AGAP1: variants seen among roughly 807,000 people sequenced by gnomAD.
The protein encoded by AGAP1 is arf-GAP with GTPase, ANK repeat and PH domain-containing protein 1.
In AGAP1, 29 loss-of-function variants were observed where a neutral mutation model predicts 105.3. The ratio of observed to expected loss-of-function variants is 0.28; its 90% CI spans 0.21 to 0.38. The LOEUF is 0.38. Among genes scored for constraint, AGAP1 ranks in the 10% least tolerant of loss-of-function variants. The pLI is 1.00. For missense variants in AGAP1, 998 were observed against 1,165.1 expected (o/e 0.86, Z 2.09); for synonymous variants, 509 against 485.9 (o/e 1.05, Z -0.63).
chr2:235,781,146 C>G (rs1956237708), intron 6 of AGAP1, among the ~76,000 whole-genome samples: 1 of 152,180 alleles, frequency 6.6e-6, no homozygotes, highest in South Asian at 2.1e-4. Flanking sequence ...CTTTCCCTAC[C>G]TGTCATTTTT....
Position 235,574,624 on chromosome 2 carries a change from T to G in AGAP1, c.163+79775T>G. On this transcript the variant is annotated intron_variant, in intron 1 of 17. Transcript: ENST00000304032. This position sits in a 1 kb window ranked among gnomAD's most constrained non-coding sequence, Gnocchi z 5.0. The stretch of plus-strand genomic sequence containing the variant: ...TCAAGCAGTGTTCTTTTAGGTCCTT[T>G]TTGGTTCTGTGCGACAGTTAATGAA... 6.6e-6 allele frequency among the ~76,000 whole-genome samples: 1 copy of G among 152,230 alleles called. No homozygotes were observed. Among genetic ancestry groups the G allele is most frequent in the Non-Finnish European group, 1.5e-5 (1 of 68,038 alleles).
intron 1 of AGAP1, among the ~76,000 whole-genome samples, chr2:235,681,864 T>C (rs1459406858): frequency 7.0e-6 from 1 of 142,918 alleles, no homozygotes; most frequent in African/African-American, 2.8e-5. Flanking sequence ...TTTTTTTTTT[T>C]TTTTGATACA....
chr2:235,768,725 G>C (rs972648333), intron 6 of AGAP1, among the ~76,000 whole-genome samples: 2 of 152,196 alleles, frequency 1.3e-5, no homozygotes, highest in Admixed American at 6.5e-5. Context: ...CCTGCAGGTG[G>C]GCACGGCTTT....
In AGAP1 at chr2:235,734,949, G is replaced by A. The variant is rs906277854; in HGVS notation, c.311-6014G>A. ...AGTGGATTTGGGTGTTGCCAGTGAT[G>A]TTTGCGTCATAAGATGGGGTGAGGG... is the stretch of plus-strand genomic sequence containing the variant. On this transcript the variant is annotated intron_variant, in intron 3 of 17. Coordinates refer to ENST00000304032, the MANE Select transcript of AGAP1 (RefSeq NM_001037131.3). This position sits in a 1 kb window ranked among gnomAD's most constrained non-coding sequence, Gnocchi z 5.3. 3.2e-5 allele frequency among the ~76,000 whole-genome samples: 4 copies of A among 125,716 alleles called. No homozygotes were observed. Among genetic ancestry groups the A allele is most frequent in the Non-Finnish European group, 3.9e-5 (2 of 51,144 alleles). The allele number at this position is 125,716 out of a possible 152,430, so 82.5% of individuals were successfully genotyped here. A position where few individuals can be genotyped will look rare whatever the true frequency, so the allele number is the denominator to read the frequency against.
chr2:235,998,272 T>TTTATTGCAGA (rs1553540239), intron 13 of AGAP1, among the ~76,000 whole-genome samples: 23 of 152,134 alleles, frequency 1.5e-4, no homozygotes, highest in Non-Finnish European at 3.1e-4. Context: ...GAAAAACATT[T>TTTATTGCAGA]TGTATTAGTG....
chr2:235,699,109 G>A (rs985298384), intron 1 of AGAP1, among the ~76,000 whole-genome samples: 6 of 151,532 alleles, frequency 4.0e-5, no homozygotes, highest in South Asian at 2.1e-4. Flanking sequence ...CAGGAGGGAC[G>A]GGGAGGCAGG....
At position 235,901,253 on chromosome 2, in the gene AGAP1, T is replaced by G. The variant is rs1490294441; in HGVS notation, c.1156-7485T>G. 3.9e-5 allele frequency among the ~76,000 whole-genome samples: 6 copies of G among 152,138 alleles called. No individual in the cohort carries two copies. The highest frequency in any genetic ancestry group is 8.8e-5 in the Non-Finnish European group (6 of 68,018). ...ATTAAATGGAGTTTGGGAATAGTAG[T>G]GAACTTTACAATGGCTTCTCTTACA... On this transcript the variant is annotated intron_variant, in intron 10 of 17. Transcript: ENST00000304032. The surrounding 1 kb of genome is among the most constrained non-coding windows in gnomAD (Gnocchi z 4.3).
At chr2:235,584,649 A>T (rs1945043464) in intron 1 of AGAP1, among the ~76,000 whole-genome samples, 1 of 151,716 alleles carries the variant, frequency 6.6e-6, no homozygotes, top group Admixed American at 6.6e-5. Context: ...GGCCCTGCAG[A>T]CACCTTGATT....
rs538565875 is a variant in AGAP1, at chr2:235,882,475, C to T, written c.1051-870C>T. 1.3e-4 allele frequency: 206 copies of T among 1,566,254 alleles called. 2 individuals are homozygous for T. The South Asian group carries it at 1.9e-3, about 14-fold the overall frequency. ...CTATTGAAGCTGGCGATTCCCCCCACGTCTGGTTTGTCTGCCATTTTCTTA... is the reference window on the plus strand; with the variant it reads ...CTATTGAAGCTGGCGATTCCCCCCATGTCTGGTTTGTCTGCCATTTTCTTA... On this transcript the variant is annotated intron_variant, in intron 9 of 17. Transcript: ENST00000304032. This position sits in a 1 kb window ranked among gnomAD's most constrained non-coding sequence, Gnocchi z 4.6.
At position 235,577,865 on chromosome 2, in the gene AGAP1, C is replaced by T. The variant is rs894960860; in HGVS notation, c.163+83016C>T. Among the ~76,000 whole-genome samples, 1 of 151,914 alleles carries T rather than the reference C, an allele frequency of 6.6e-6. No homozygotes were observed. Among genetic ancestry groups the T allele is most frequent in the Non-Finnish European group, 1.5e-5 (1 of 68,008 alleles). ...GTCTGCTCGCTGGGACCTGATAGTT[C>T]GCCTTTGTACGGATGAAAAAAACCA... is the stretch of plus-strand genomic sequence containing the variant. On this transcript the variant is annotated intron_variant, in intron 1 of 17. Transcript: ENST00000304032. The surrounding 1 kb of genome is among the most constrained non-coding windows in gnomAD (Gnocchi z 4.5).
At chr2:235,856,795 C>G (rs1327751332) in intron 9 of AGAP1, among the ~76,000 whole-genome samples, 1 of 152,246 alleles carries the variant, frequency 6.6e-6, no homozygotes, top group East Asian at 1.9e-4. Context: ...CATGAAATTT[C>G]AAAACTTCAG....
At chr2:235,917,234 A>G (rs903221383) in intron 11 of AGAP1, among the ~76,000 whole-genome samples, 1 of 151,710 alleles carries the variant, frequency 6.6e-6, no homozygotes, top group South Asian at 2.1e-4. Flanking sequence ...GTTGAAGCTG[A>G]TTTTCCAGGG....
At chr2:235,564,253 T>A (rs915335538) in intron 1 of AGAP1, among the ~76,000 whole-genome samples, 1 of 152,222 alleles carries the variant, frequency 6.6e-6, no homozygotes, top group Non-Finnish European at 1.5e-5. Context: ...CCAAGAAACC[T>A]GGCTTAAATG....
rs895471915 is a variant in AGAP1 at position 235,936,104 on chromosome 2, C to T, written c.1483+5181C>T. Among the ~76,000 whole-genome samples, 6 of 152,244 alleles carry T rather than the reference C, an allele frequency of 3.9e-5. No individual in the cohort carries two copies. The highest frequency in any genetic ancestry group is 9.6e-5 in the African/African-American group (4 of 41,462). The stretch of plus-strand genomic sequence containing the variant: ...TCTTCTGATAGCTCCACCCCATCCC[C>T]GATTGCTTCAGTCCAACAGTTTATC... On this transcript the variant is annotated intron_variant, in intron 12 of 17. Transcript: ENST00000304032. This position sits in a 1 kb window ranked among gnomAD's most constrained non-coding sequence, Gnocchi z 4.7.
At chr2:235,589,427 G>A (rs954641828) in intron 1 of AGAP1, among the ~76,000 whole-genome samples, 2 of 151,884 alleles carry the variant, frequency 1.3e-5, no homozygotes, top group Admixed American at 6.6e-5. Flanking sequence ...GGCTGGTCTC[G>A]AACTCCTGAC....
At position 235,769,718 on chromosome 2, in the gene AGAP1, G is replaced by A. The variant is rs999686174; in HGVS notation, c.673+19230G>A. 6.6e-6 allele frequency among the ~76,000 whole-genome samples: 1 copy of A among 152,248 alleles called. No individual in the cohort carries two copies. Among genetic ancestry groups the A allele is most frequent in the Middle Eastern group, 3.4e-3 (1 of 294 alleles). Reference sequence around the variant, plus strand: ...AGGCAGTGAAAAAAAAACGAAAGCAGTGACTAAAGGGCATCTCCAGGTGCC... The same window carrying A: ...AGGCAGTGAAAAAAAAACGAAAGCAATGACTAAAGGGCATCTCCAGGTGCC... On this transcript the variant is annotated intron_variant, in intron 6 of 17. Transcript: ENST00000304032. The surrounding 1 kb of genome is among the most constrained non-coding windows in gnomAD (Gnocchi z 4.4).
At chr2:235,511,874 A>ATGTGGATGTG (rs879692811) in intron 1 of AGAP1, among the ~76,000 whole-genome samples, 131,914 of 150,076 alleles carry the variant, frequency 0.88, 58,172 homozygotes, top group East Asian at 0.98. Flanking sequence ...GTGTGTGTGT[A>ATGTGGATGTG]TGTGAATGTG....
chr2:235,731,667 T>C (rs889394332), intron 3 of AGAP1, among the ~76,000 whole-genome samples: 1 of 152,194 alleles, frequency 6.6e-6, no homozygotes. Flanking sequence ...ATCATCGTAA[T>C]GTAGCAGTCA....
Position 235,744,629 on chromosome 2 carries a change from C to A in AGAP1, c.397-69C>A. The A allele has an allele frequency of 6.3e-7, 1 of 1,589,688 alleles. No individual in the cohort carries two copies. Among genetic ancestry groups the A allele is most frequent in the Non-Finnish European group, 8.6e-7 (1 of 1,161,642 alleles). On this transcript the variant is annotated intron_variant, in intron 4 of 17. Coordinates refer to ENST00000304032, the MANE Select transcript of AGAP1 (RefSeq NM_001037131.3). The surrounding 1 kb of genome is among the most constrained non-coding windows in gnomAD (Gnocchi z 5.2). ...CAGCCCCCTGCTGCCTGCCGCCATGCAGACATCTCTGTTCTTAATCAAGCC... is the reference window on the plus strand; with the variant it reads ...CAGCCCCCTGCTGCCTGCCGCCATGAAGACATCTCTGTTCTTAATCAAGCC...
Sources: allele counts gnomAD v4.1 joint callset (sites outside exome capture counted in the v4.1 genomes callset), GRCh38; gene constraint gnomAD v4.1.1; non-coding constraint Gnocchi (gnomAD v3.1); transcripts MANE v1.5; gene names NCBI Gene and HGNC (gene_info 2026-07-23, HGNC 2026-07-21).